DIAPH1: variants seen among roughly 807,000 people sequenced by gnomAD.
The protein encoded by DIAPH1 is diaphanous related formin 1, also known as protein diaphanous homolog 1.
DIAPH1 carries 46 observed loss-of-function variants against 140.7 expected under a neutral mutation model. The ratio of observed to expected loss-of-function variants is 0.33; its 90% confidence interval spans 0.26 to 0.42. The LOEUF is 0.42. Ranked by LOEUF, DIAPH1 falls within the 10% of genes least tolerant of loss-of-function variation. The pLI, the probability that DIAPH1 is intolerant of heterozygous loss-of-function variation, is 1.00. For missense variants in DIAPH1, 1,310 were observed against 1,558.7 expected (o/e 0.84, Z 2.69); for synonymous variants, 565 against 551.6 (o/e 1.02, Z -0.34).
intron 18 of DIAPH1, among the ~76,000 whole-genome samples, chr5:141,562,231 AAG>A (rs201757002): frequency 0.093 from 13,939 of 149,554 alleles, 780 homozygotes; most frequent in South Asian, 0.15. Context: ...AAAAAAAAAA[AAG>A]AACAATTATT....
At position 141,588,146 on chromosome 5, in the gene DIAPH1, C is replaced by A; in HGVS notation, c.144+78G>T. 3 of 1,231,324 alleles carry A rather than the reference C, an allele frequency of 2.4e-6. No individual in the cohort carries two copies. In the South Asian group the frequency reaches 3.7e-5, roughly 15 times the overall value. The allele number at this position is 1,231,324 out of a possible 1,614,324, so 76.3% of individuals were successfully genotyped here. The stretch of plus-strand genomic sequence containing the variant: ...ATCACCACTATAAGTTACAGAAAGT[C>A]AAAGTTATGAAAACTGGTAAATATG... On this transcript the variant is annotated intron_variant, in intron 2 of 27. Coordinates refer to ENST00000389054, the MANE Select transcript of DIAPH1 (RefSeq NM_005219.5).
At chr5:141,608,990 G>T (rs572590946) in intron 1 of DIAPH1, among the ~76,000 whole-genome samples, 1 of 152,084 alleles carries the variant, frequency 6.6e-6, no homozygotes, top group African/African-American at 2.4e-5. Context: ...TGTTAGAGCT[G>T]TTCTACTTAC....
chr5:141,579,989 A>G (rs1188200626), intron 8 of DIAPH1, among the ~76,000 whole-genome samples: 1 of 152,060 alleles, frequency 6.6e-6, no homozygotes, highest in Non-Finnish European at 1.5e-5. Flanking sequence ...AAGTCCAGCA[A>G]CAGGGGAATT....
chr5:141,586,551 T>C (rs960834336), intron 3 of DIAPH1, among the ~76,000 whole-genome samples: 13 of 152,274 alleles, frequency 8.5e-5, no homozygotes, highest in African/African-American at 3.1e-4. Flanking sequence ...TATACTTTGT[T>C]ACTTAGCTGA....
Position 141,580,807 on chromosome 5 carries a change from T to C in DIAPH1, c.761A>G (p.Asn254Ser), listed in dbSNP as rs1399771527. The C allele has an allele frequency of 1.9e-6, 3 of 1,614,078 alleles. No individual in the cohort carries two copies. The highest frequency in any genetic ancestry group is 2.2e-5 in the South Asian group (2 of 91,086). Residue 254 changes from asparagine (N) to serine (S), a missense_variant, in exon 8 of 28, where the codon AAC (asparagine) becomes AGC (serine). Asn to Ser is a conservative substitution (Grantham distance 46). Coordinates refer to ENST00000389054, the MANE Select transcript of DIAPH1 (RefSeq NM_005219.5). ...LVRAMDPAVPNMMIDAAKLLS... is the reference protein window; with the variant it reads ...LVRAMDPAVPSMMIDAAKLLS... ...CAGCTTAGCTGCATCAATCATCATG[T>C]TGGGAACAGCAGGATCCATGGCTCT...
chr5:141,614,922 A>C (rs1372198745), intron 1 of DIAPH1, among the ~76,000 whole-genome samples: 1 of 152,186 alleles, frequency 6.6e-6, no homozygotes, highest in Non-Finnish European at 1.5e-5. Context: ...TTTTGGATTA[A>C]AGTTAATGTT....
intron 27 of DIAPH1, among the ~76,000 whole-genome samples, chr5:141,518,373 G>A (rs1326452204): frequency 2.0e-5 from 3 of 149,492 alleles, no homozygotes; most frequent in South Asian, 2.1e-4. Flanking sequence ...GGAGAAAGCA[G>A]TACCGGAATG....
chr5:141,536,198 A>T (rs2099888985), intron 18 of DIAPH1: 1 of 296,842 alleles, frequency 3.4e-6, no homozygotes, highest in African/African-American at 2.2e-5. Context: ...GCTACTCAGG[A>T]GGTTGACGTG....
chr5:141,572,109 T>A, intron 16 of DIAPH1, 69 bp from the exon 17 acceptor site: 1 of 1,133,250 alleles, frequency 8.8e-7, no homozygotes, highest in Non-Finnish European at 1.3e-6. Context: ...AGAAAACGGA[T>A]GAGGCTGTAA....
chr5:141,522,578 C>CAAAAAAAAA (rs5871776), intron 27 of DIAPH1, among the ~76,000 whole-genome samples: 1 of 88,954 alleles, frequency 1.1e-5, no homozygotes, highest in Non-Finnish European at 2.3e-5. Flanking sequence ...CCGACGGGGT[C>CAAAAAAAAA]AAAAAAAAAA....
At chr5:141,531,317 T>C (rs537715664) in intron 19 of DIAPH1, among the ~76,000 whole-genome samples, 9 of 147,894 alleles carry the variant, frequency 6.1e-5, no homozygotes, top group South Asian at 2.1e-4. Context: ...CTCTCTCTCT[T>C]TTTTTTTTTT....
At chr5:141,547,769 T>C (rs1412165100) in intron 18 of DIAPH1, among the ~76,000 whole-genome samples, 1 of 152,206 alleles carries the variant, frequency 6.6e-6, no homozygotes. Context: ...AAAATAGTTG[T>C]GTATTTTTCA....
chr5:141,601,073 G>C (rs1209837383), intron 1 of DIAPH1, among the ~76,000 whole-genome samples: 3 of 151,940 alleles, frequency 2.0e-5, no homozygotes, highest in African/African-American at 7.3e-5. Context: ...ACCGGGGCCT[G>C]TTGTGGGATG....
intron 3 of DIAPH1, 22 bp downstream of exon 3, chr5:141,587,020 A>G (rs1184880631): frequency 6.2e-7 from 1 of 1,613,948 alleles, no homozygotes; most frequent in Non-Finnish European, 8.5e-7. Flanking sequence ...AAGAAGCAAC[A>G]TTTTGGGAAT....
At chr5:141,542,712 C>T (rs891641613) in intron 18 of DIAPH1, among the ~76,000 whole-genome samples, 1 of 152,106 alleles carries the variant, frequency 6.6e-6, no homozygotes, top group African/African-American at 2.4e-5. Flanking sequence ...GAATGAGGAG[C>T]AACTGCTTAA....
At chr5:141,550,129 G>A (rs1054023347) in intron 18 of DIAPH1, among the ~76,000 whole-genome samples, 2 of 151,846 alleles carry the variant, frequency 1.3e-5, no homozygotes, top group African/African-American at 4.8e-5. Context: ...AGATAAAGAG[G>A]GACTTTCTAT....
chr5:141,547,548 CA>C (rs1232110357), intron 18 of DIAPH1, among the ~76,000 whole-genome samples: 1 of 152,032 alleles, frequency 6.6e-6, no homozygotes, highest in East Asian at 1.9e-4. Flanking sequence ...AAAAGCTCAA[CA>C]GATGGGTTTA....
chr5:141,541,309 G>A (rs2154595373), intron 18 of DIAPH1, among the ~76,000 whole-genome samples: 1 of 152,314 alleles, frequency 6.6e-6, no homozygotes. Flanking sequence ...ATGCTTAATT[G>A]TGAAAGATTG....
chr5:141,588,272 G>A (rs370718333), intron 1 of DIAPH1, 22 bp from the exon 2 acceptor site: 110 of 1,602,640 alleles, frequency 6.9e-5, no homozygotes, highest in Non-Finnish European at 7.3e-5. Flanking sequence ...GAAAAAGGAG[G>A]GAGAAGAAAG....
Sources: allele counts gnomAD v4.1 joint callset (sites outside exome capture counted in the v4.1 genomes callset), GRCh38; gene constraint gnomAD v4.1.1; transcripts MANE v1.5; gene names NCBI Gene and HGNC (gene_info 2026-07-23, HGNC 2026-07-21).